The following TDP1 variants were observed in gnomAD, a reference collection of about 807,000 sequenced individuals.
TDP1 encodes the protein tyrosyl-DNA phosphodiesterase 1.
TDP1 carries 64 observed loss-of-function variants against 81.5 expected under a neutral mutation model. The ratio of observed to expected loss-of-function variants is 0.79; its 90% confidence interval spans 0.64 to 0.97. The LOEUF (loss-of-function observed/expected upper bound fraction) is 0.97. Among genes scored for constraint, TDP1 ranks in the 50% least tolerant of loss-of-function variants. TDP1 has a pLI of 0.00. For missense variants in TDP1, 723 were observed against 743.8 expected (o/e 0.97, Z 0.33); for synonymous variants, 256 against 264.3 (o/e 0.97, Z 0.30).
At chr14:89,997,653 G>A (rs1896754387) in intron 14 of TDP1, among the ~76,000 whole-genome samples, 1 of 152,136 alleles carries the variant, frequency 6.6e-6, no homozygotes, top group East Asian at 1.9e-4. Flanking sequence ...TGGGCATTGA[G>A]GAACATACAA....
intron 16 of TDP1, chr14:90,042,825 C>A (rs1461007735): frequency 1.0e-6 from 1 of 965,460 alleles, no homozygotes; most frequent in African/African-American, 1.8e-5. Flanking sequence ...AGCTGCAATT[C>A]AAAATGAGAT....
intron 8 of TDP1, among the ~76,000 whole-genome samples, chr14:89,982,236 T>C (rs567870240): frequency 5.3e-5 from 8 of 152,330 alleles, no homozygotes; most frequent in African/African-American, 1.7e-4. Flanking sequence ...ACTGAAAATA[T>C]GCTTTTCAAA....
At chr14:89,988,651 G>A (rs2140115419) in intron 10 of TDP1, 1 of 980,928 alleles carries the variant, frequency 1.0e-6, no homozygotes, top group Non-Finnish European at 1.2e-6. Flanking sequence ...ACCTGTTTTT[G>A]CTTTTAGTAC....
intron 7 of TDP1, among the ~76,000 whole-genome samples, chr14:89,978,897 G>C (rs1272436989): frequency 6.6e-6 from 1 of 152,190 alleles, no homozygotes; most frequent in Non-Finnish European, 1.5e-5. Context: ...CTGTTTGCCA[G>C]CTTGGGTTAA....
At chr14:90,012,219 C>G (rs929030738) in intron 14 of TDP1, among the ~76,000 whole-genome samples, 6 of 152,174 alleles carry the variant, frequency 3.9e-5, no homozygotes, top group Non-Finnish European at 7.3e-5. Flanking sequence ...GGAACCTCTA[C>G]TTACATTTCA....
intron 2 of TDP1, among the ~76,000 whole-genome samples, chr14:89,960,527 G>A (rs939491280): frequency 6.6e-6 from 1 of 152,232 alleles, no homozygotes; most frequent in African/African-American, 2.4e-5. Context: ...GGGCTGGACA[G>A]AGTGTAGAAA....
rs552728824 is a variant in TDP1, at chr14:89,971,562, T to G, written c.756+291T>G. ...CCACACAGAATAAGTAAGTCTTTCA[T>G]CTTACACATGTCAGTGATTCATATA... On this transcript the variant is annotated intron_variant, in intron 6 of 16. Coordinates refer to ENST00000335725, the MANE Select transcript of TDP1 (RefSeq NM_018319.4). Among the ~76,000 whole-genome samples the G allele has an allele frequency of 2.6e-5, 4 of 152,382 alleles. No individual in the cohort carries two copies. The South Asian group carries it at 8.3e-4, about 32-fold the overall frequency.
chr14:90,025,306 A>G (rs1886524042), intron 15 of TDP1, among the ~76,000 whole-genome samples: 1 of 152,202 alleles, frequency 6.6e-6, no homozygotes, highest in African/African-American at 2.4e-5. Flanking sequence ...GAGAACCAGC[A>G]TTTCCCATTC....
At chr14:89,964,670 T>C (rs920954915) in intron 3 of TDP1, among the ~76,000 whole-genome samples, 1 of 152,222 alleles carries the variant, frequency 6.6e-6, no homozygotes, top group Non-Finnish European at 1.5e-5. Flanking sequence ...GTTGTTTTCT[T>C]TTTGAGAATC....
chr14:90,009,094 G>A (rs1036803310), intron 14 of TDP1, among the ~76,000 whole-genome samples: 4 of 152,174 alleles, frequency 2.6e-5, no homozygotes, highest in African/African-American at 9.7e-5. Context: ...TATATTTTCT[G>A]TTGTCTTGCT....
chr14:90,040,593 T>C (rs545680043), intron 16 of TDP1, among the ~76,000 whole-genome samples: 1 of 152,342 alleles, frequency 6.6e-6, no homozygotes, highest in East Asian at 1.9e-4. Flanking sequence ...TTCCCCTCTG[T>C]CCATAGCACC....
chr14:89,985,278 T>C (rs1596556848), intron 10 of TDP1, 68 bp downstream of exon 10: 2 of 913,450 alleles, frequency 2.2e-6, no homozygotes, highest in Admixed American at 4.7e-5. Flanking sequence ...TTAAAATAAT[T>C]ATATATTTTG....
At position 90,012,652 on chromosome 14, in the gene TDP1, G is replaced by C. The variant is rs559801811; in HGVS notation, c.1542-6664G>C. ...CTCATGGAGAACCTCTGCTAGGGCA[G>C]TGCAGAAGAGAAATATGGGGTAGGA... On this transcript the variant is annotated intron_variant, in intron 14 of 16. Transcript: ENST00000335725. Among the ~76,000 whole-genome samples the C allele has an allele frequency of 2.6e-5, 4 of 152,206 alleles. No individual in the cohort carries two copies. In the South Asian group the frequency reaches 8.3e-4, roughly 32 times the overall value.
chr14:89,977,513 G>A (rs1053108369), intron 7 of TDP1, among the ~76,000 whole-genome samples: 1 of 151,072 alleles, frequency 6.6e-6, no homozygotes, highest in East Asian at 1.9e-4. Context: ...GGCCAGGCTG[G>A]TCTCGAACTC....
chr14:90,016,876 G>C (rs1362552058), intron 14 of TDP1, among the ~76,000 whole-genome samples: 1 of 152,158 alleles, frequency 6.6e-6, no homozygotes, highest in East Asian at 1.9e-4. Flanking sequence ...GGGACCTCCA[G>C]AGTTCTACCC....
At position 89,963,372 on chromosome 14, in the gene TDP1, C is replaced by A. The variant is rs755652358; in HGVS notation, c.258C>A (p.Gly86=). 5 of 1,614,186 alleles carry A rather than the reference C, an allele frequency of 3.1e-6. No homozygotes were observed. Among genetic ancestry groups the A allele is most frequent in the Non-Finnish European group, 2.5e-6 (3 of 1,180,038 alleles). The part of the protein sequence containing the change: ...RQKSGSQEDL[G]WCLSSSDDEL... ...AAAGCGGTTCCCAGGAGGACCTCGG[C>A]TGGTGTCTGTCCAGCAGTGATGATG... The change falls in exon 3 of 17, where the codon GGC becomes GGA. Residue 86 remains glycine (G), a synonymous_variant. Transcript: ENST00000335725.
chr14:89,983,418 G>T (rs1653612230), intron 8 of TDP1: 1 of 210,004 alleles, frequency 4.8e-6, no homozygotes, highest in African/African-American at 2.4e-5. Context: ...GAGTTGAGAA[G>T]ATGTACGGCC....
At chr14:89,988,838 C>A in intron 10 of TDP1, 67 bp from the exon 11 acceptor site, 2 of 1,604,424 alleles carry the variant, frequency 1.2e-6, no homozygotes, top group South Asian at 2.2e-5. Flanking sequence ...AAACTGTTTT[C>A]AAATATTGCA....
intron 15 of TDP1, chr14:90,023,194 C>T (rs1156350830): frequency 5.9e-6 from 4 of 680,064 alleles, no homozygotes; most frequent in Admixed American, 2.1e-5. Context: ...GTGGTCTGCC[C>T]GGGGGGCTTG....
Sources: gnomAD v4.1 joint callset for allele counts (sites outside exome capture counted in the v4.1 genomes callset) on GRCh38, gnomAD v4.1.1 for gene constraint, MANE v1.5 for transcripts, NCBI Gene and HGNC (gene_info 2026-07-23, HGNC 2026-07-21) for gene names.